Variants in SPATA31H1 observed in about 807,000 individuals in gnomAD.
The protein encoded by SPATA31H1 is spermatogenesis-associated protein 31H1.
At chr2:27,548,925 T>A in the SPATA31H1 span, among the ~76,000 whole-genome samples, 1 of 151,258 alleles carries the variant, frequency 6.6e-6, no homozygotes, top group Non-Finnish European at 1.5e-5. Flanking sequence ...ATACAAAAAA[T>A]TTGCCAGGTG....
At chr2:27,558,862 C>T in the SPATA31H1 span, among the ~76,000 whole-genome samples, 3 of 102,736 alleles carry the variant, frequency 2.9e-5, no homozygotes, top group Non-Finnish European at 5.6e-5. Flanking sequence ...TACCGTCCAG[C>T]CTTGGCTCGG....
the SPATA31H1 span, chr2:27,580,824 G>A: frequency 6.2e-7 from 1 of 1,614,216 alleles, no homozygotes; most frequent in South Asian, 1.1e-5. Flanking sequence ...GCTAACGCCA[G>A]CAGGCTCAAC....
chr2:27,578,310 G>A, the SPATA31H1 span: 1 of 1,614,184 alleles, frequency 6.2e-7, no homozygotes, highest in Non-Finnish European at 8.5e-7. Flanking sequence ...TTTGGAAACA[G>A]TGGAGTTGAC....
chr2:27,568,415 C>T, the SPATA31H1 span: 2 of 398,844 alleles, frequency 5.0e-6, no homozygotes, highest in East Asian at 3.6e-5. Context: ...TATGTCAAGA[C>T]ACAAAATCAC....
chr2:27,580,078 G>T, the SPATA31H1 span: 2 of 1,614,158 alleles, frequency 1.2e-6, no homozygotes, highest in African/African-American at 2.7e-5. Context: ...CTTGGCTTTA[G>T]GCTGAGAATT....
At chr2:27,568,540 T>G in the SPATA31H1 span, 7 of 399,012 alleles carry the variant, frequency 1.8e-5, no homozygotes, top group South Asian at 8.9e-4. Context: ...CAGCCACATG[T>G]TATAGAATCT....
the SPATA31H1 span, chr2:27,565,255 C>G: frequency 2.9e-6 from 2 of 684,778 alleles, no homozygotes; most frequent in African/African-American, 1.8e-5. Flanking sequence ...TATCTGATAT[C>G]TAAAAGGTGA....
At chr2:27,580,742 T>G in the SPATA31H1 span, 1 of 1,614,086 alleles carries the variant, frequency 6.2e-7, no homozygotes, top group South Asian at 1.1e-5. Flanking sequence ...GCAAAAACTA[T>G]TATCCAAAAC....
chr2:27,568,972 G>A, the SPATA31H1 span: 1 of 398,822 alleles, frequency 2.5e-6, no homozygotes, highest in Non-Finnish European at 4.4e-6. Context: ...GGATATCAAG[G>A]AAAAGAAGCA....
the SPATA31H1 span, among the ~76,000 whole-genome samples, chr2:27,544,966 A>G: frequency 1.3e-5 from 2 of 152,110 alleles, no homozygotes; most frequent in East Asian, 1.9e-4. Flanking sequence ...AAAATAGCCA[A>G]AAAAAGGCTC....
the SPATA31H1 span, among the ~76,000 whole-genome samples, chr2:27,541,256 G>A: frequency 6.6e-6 from 1 of 151,958 alleles, no homozygotes; most frequent in African/African-American, 2.4e-5. Context: ...CAGGCGTGGC[G>A]TGGCGGCGAG....
chr2:27,539,282 T>C, the SPATA31H1 span, among the ~76,000 whole-genome samples: 5 of 150,240 alleles, frequency 3.3e-5, no homozygotes, highest in South Asian at 1.1e-3. Context: ...AGTGTTTGTG[T>C]CCCTGGGTAC....
At chr2:27,560,424 T>C in the SPATA31H1 span, among the ~76,000 whole-genome samples, 1 of 152,114 alleles carries the variant, frequency 6.6e-6, no homozygotes, top group Non-Finnish European at 1.5e-5. Flanking sequence ...TTTGTGAGGA[T>C]TTTGAAGCCT....
the SPATA31H1 span, chr2:27,578,024 A>G: frequency 6.2e-7 from 1 of 1,614,188 alleles, no homozygotes; most frequent in Admixed American, 1.7e-5. Flanking sequence ...CACTAGATCA[A>G]GTCACAGAAT....
chr2:27,539,021 C>T, the SPATA31H1 span, among the ~76,000 whole-genome samples: 1 of 151,414 alleles, frequency 6.6e-6, no homozygotes, highest in Middle Eastern at 3.4e-3. Flanking sequence ...TGTTGCAAGA[C>T]TCCCTTGCAA....
At chr2:27,552,347 C>CTAT in the SPATA31H1 span, among the ~76,000 whole-genome samples, 5 of 151,842 alleles carry the variant, frequency 3.3e-5, no homozygotes, top group Admixed American at 6.6e-5. Flanking sequence ...GTTGAAGAGA[C>CTAT]TATTATTTTC....
At chr2:27,561,559 C>G in the SPATA31H1 span, among the ~76,000 whole-genome samples, 1 of 152,134 alleles carries the variant, frequency 6.6e-6, no homozygotes, top group Non-Finnish European at 1.5e-5. Context: ...TGCTCTAGGC[C>G]ACAAAGATTT....
chr2:27,582,071 CTTT>C, the SPATA31H1 span: 46 of 1,613,832 alleles, frequency 2.9e-5, 1 homozygote, highest in South Asian at 5.1e-4. Flanking sequence ...CTCACAGGTC[CTTT>C]GAGAGGAGCC....
At chr2:27,572,581 G>A in the SPATA31H1 span, 8 of 398,034 alleles carry the variant, frequency 2.0e-5, no homozygotes, top group Non-Finnish European at 3.5e-5. Context: ...CTGCAAAAAG[G>A]GAAAATGCTA....
Sources: gnomAD v4.1 joint callset for allele counts (sites outside exome capture counted in the v4.1 genomes callset) on GRCh38, gnomAD v4.1.1 for gene constraint, MANE v1.5 for transcripts, NCBI Gene and HGNC (gene_info 2026-07-23, HGNC 2026-07-21) for gene names.